The following GALNT2 variants were observed in gnomAD, a reference collection of about 807,000 sequenced individuals.
The protein encoded by GALNT2 is polypeptide N-acetylgalactosaminyltransferase 2.
Under a neutral mutation model 81.4 loss-of-function variants are expected in GALNT2, and 31 were observed. That is an observed-to-expected ratio of 0.38 (90% CI 0.29 to 0.51). The LOEUF (loss-of-function observed/expected upper bound fraction) is 0.51. Ranked by LOEUF, GALNT2 falls within the 20% of genes least tolerant of loss-of-function variation. GALNT2 has a pLI of 0.87. For synonymous variants in GALNT2, 303 were observed against 287.4 expected, an observed-to-expected ratio of 1.05 and a Z score of -0.55; for missense variants, 629 against 765.7, an observed-to-expected ratio of 0.82 and a Z score of 2.11.
intron 1 of GALNT2, among the ~76,000 whole-genome samples, chr1:230,144,353 AAGAC>A (rs1661845119): frequency 6.6e-6 from 1 of 152,150 alleles, no homozygotes; most frequent in Non-Finnish European, 1.5e-5. Context: ...GAAACCAAGA[AAGAC>A]TACTACACTC....
chr1:230,086,412 A>G (rs1659900113), intron 1 of GALNT2, among the ~76,000 whole-genome samples: 1 of 152,130 alleles, frequency 6.6e-6, no homozygotes, highest in South Asian at 2.1e-4. Flanking sequence ...GAGTGAGGAA[A>G]AATGCCTAAG....
chr1:230,132,941 A>G (rs1004087798), intron 1 of GALNT2, among the ~76,000 whole-genome samples: 2 of 152,240 alleles, frequency 1.3e-5, no homozygotes, highest in Non-Finnish European at 2.9e-5. Context: ...GCCTAGCATA[A>G]GGAAGCAGGA....
At chr1:230,156,432 G>A (rs1662258971) in intron 1 of GALNT2, among the ~76,000 whole-genome samples, 1 of 152,056 alleles carries the variant, frequency 6.6e-6, no homozygotes, top group Admixed American at 6.5e-5. Context: ...GTCCTTGGTA[G>A]GATATATTCA....
At chr1:230,218,989 G>A (rs1043951317) in intron 3 of GALNT2, among the ~76,000 whole-genome samples, 2 of 152,238 alleles carry the variant, frequency 1.3e-5, no homozygotes, top group Non-Finnish European at 2.9e-5. Context: ...GATCTGGGTT[G>A]TGTGCTCCTT....
upstream of GALNT2, among the ~76,000 whole-genome samples, chr1:230,063,250 G>T (rs1273747034): frequency 2.0e-5 from 3 of 151,512 alleles, no homozygotes; most frequent in African/African-American, 7.3e-5. Context: ...GGTGGAGGTT[G>T]CAGTGAGCCG....
In GALNT2 at chr1:230,275,662, T is replaced by C. The variant is rs1666279298; in HGVS notation, c.1560+1098T>C. On this transcript the variant is annotated intron_variant, in intron 15 of 15. Coordinates refer to ENST00000366672, the MANE Select transcript of GALNT2 (RefSeq NM_004481.5). This position sits in a 1 kb window ranked among gnomAD's most constrained non-coding sequence, Gnocchi z 5.5. ...CACATAGATATACAAGCACAACATATATACATGCCACATGTATACATATGT... is the reference window on the plus strand; with the variant it reads ...CACATAGATATACAAGCACAACATACATACATGCCACATGTATACATATGT... Among the ~76,000 whole-genome samples the C allele has an allele frequency of 6.7e-6, 1 of 149,714 alleles. No homozygotes were observed. Among genetic ancestry groups the C allele is most frequent in the Non-Finnish European group, 1.5e-5 (1 of 67,676 alleles).
intron 2 of GALNT2, among the ~76,000 whole-genome samples, chr1:230,191,174 G>C (rs1370179784): frequency 2.0e-5 from 3 of 152,214 alleles, no homozygotes; most frequent in African/African-American, 7.2e-5. Context: ...GAAATACAGT[G>C]TCTAGAAGCA....
chr1:230,075,556 T>A (rs1446247613), intron 1 of GALNT2, among the ~76,000 whole-genome samples: 1 of 152,236 alleles, frequency 6.6e-6, no homozygotes, highest in Non-Finnish European at 1.5e-5. Flanking sequence ...CTGGTTCTTT[T>A]CATTTATTCT....
chr1:230,166,797 T>G (rs1662618065), intron 1 of GALNT2, among the ~76,000 whole-genome samples: 1 of 152,156 alleles, frequency 6.6e-6, no homozygotes, highest in Non-Finnish European at 1.5e-5. Flanking sequence ...CCTTTGAAGA[T>G]AAGGGGTAAT....
intron 1 of GALNT2, chr1:230,058,228 G>A (rs1291393927): frequency 4.7e-6 from 2 of 422,842 alleles, no homozygotes; most frequent in African/African-American, 4.1e-5. Context: ...GGGCAGCCTG[G>A]GCTGGTGAAG....
At chr1:230,105,614 C>T (rs570450407) in intron 1 of GALNT2, among the ~76,000 whole-genome samples, 84 of 152,266 alleles carry the variant, frequency 5.5e-4, no homozygotes, top group African/African-American at 1.8e-3. Flanking sequence ...CCTTCTTCCT[C>T]GCAGTGGTCA....
At chr1:230,117,062 T>A (rs1425294595) in intron 1 of GALNT2, among the ~76,000 whole-genome samples, 4 of 152,228 alleles carry the variant, frequency 2.6e-5, no homozygotes, top group African/African-American at 4.8e-5. Flanking sequence ...TTAGATCTTC[T>A]GGGTAACTTG....
At chr1:230,148,783 C>T (rs1293448968) in intron 1 of GALNT2, among the ~76,000 whole-genome samples, 2 of 151,978 alleles carry the variant, frequency 1.3e-5, no homozygotes, top group Non-Finnish European at 2.9e-5. Context: ...GACAGGGTTT[C>T]GCTCTATTGC....
At chr1:230,211,158 G>A (rs1239861928) in intron 3 of GALNT2, among the ~76,000 whole-genome samples, 1 of 152,180 alleles carries the variant, frequency 6.6e-6, no homozygotes, top group Non-Finnish European at 1.5e-5. Flanking sequence ...ATGCGCCGCT[G>A]GCCTCCTGAG....
intron 1 of GALNT2, among the ~76,000 whole-genome samples, chr1:230,058,687 A>G (rs1658976042): frequency 6.6e-6 from 1 of 152,218 alleles, no homozygotes; most frequent in African/African-American, 2.4e-5. Flanking sequence ...TGTTCAGGGC[A>G]ATCGATTCCT....
intron 14 of GALNT2, among the ~76,000 whole-genome samples, chr1:230,266,334 A>G (rs1666037442): frequency 6.6e-6 from 1 of 152,232 alleles, no homozygotes; most frequent in South Asian, 2.1e-4. Flanking sequence ...AGATAATAAT[A>G]GGAATTGGGT....
intron 5 of GALNT2, 104 bp from the exon 6 acceptor site, chr1:230,236,556 C>G: frequency 7.0e-7 from 1 of 1,424,056 alleles, no homozygotes; most frequent in Non-Finnish European, 9.8e-7. Context: ...CTGTGATGCC[C>G]CAAGGAGATA....
intron 1 of GALNT2, among the ~76,000 whole-genome samples, chr1:230,119,920 G>A (rs954204843): frequency 2.0e-5 from 3 of 152,098 alleles, no homozygotes; most frequent in East Asian, 3.9e-4. Flanking sequence ...TTTGAGGACC[G>A]TGTTGCTGTA....
At chr1:230,158,798 G>C (rs1189759534) in intron 1 of GALNT2, among the ~76,000 whole-genome samples, 2 of 152,162 alleles carry the variant, frequency 1.3e-5, no homozygotes, top group African/African-American at 4.8e-5. Context: ...CACAGATAAA[G>C]ATTTTGTACC....
Sources: allele counts gnomAD v4.1 joint callset (sites outside exome capture counted in the v4.1 genomes callset), GRCh38; gene constraint gnomAD v4.1.1; non-coding constraint Gnocchi (gnomAD v3.1); transcripts MANE v1.5; gene names NCBI Gene and HGNC (gene_info 2026-07-23, HGNC 2026-07-21).